The following DCAF13 variants were observed in gnomAD, a reference collection of about 807,000 sequenced individuals.
DCAF13 encodes DDB1 and CUL4 associated factor 13.
In DCAF13, 38 loss-of-function variants were observed where a neutral mutation model predicts 59.0. That is an observed-to-expected ratio of 0.64 (90% confidence interval 0.50 to 0.84). The LOEUF (loss-of-function observed/expected upper bound fraction) is 0.84, where lower values mean the gene tolerates loss of function less well. Ranked by LOEUF, DCAF13 falls within the 40% of genes least tolerant of loss-of-function variation. DCAF13 has a pLI of 0.00. For synonymous variants in DCAF13, 173 were observed against 175.0 expected (o/e 0.99, Z 0.09); for missense variants, 469 against 558.4 (o/e 0.84, Z 1.61).
intron 8 of DCAF13, chr8:103,439,820 A>T (rs1816983553): frequency 6.0e-6 from 1 of 167,410 alleles, no homozygotes; most frequent in African/African-American, 2.4e-5. Flanking sequence ...CCTTGGTTGA[A>T]CATCATATTT....
chr8:103,416,592 CT>C (rs1480088255), intron 1 of DCAF13, among the ~76,000 whole-genome samples: 1 of 152,220 alleles, frequency 6.6e-6, no homozygotes, highest in Non-Finnish European at 1.5e-5. Flanking sequence ...TCTGTTCCTG[CT>C]TACCTCCTGC....
chr8:103,425,727 C>G (rs529755479), intron 3 of DCAF13, among the ~76,000 whole-genome samples: 2 of 152,240 alleles, frequency 1.3e-5, no homozygotes, highest in African/African-American at 2.4e-5. Flanking sequence ...TTTTGAATGA[C>G]TAACCAGATA....
chr8:103,435,839 G>A, intron 8 of DCAF13, 49 bp downstream of exon 8: 1 of 1,574,046 alleles, frequency 6.4e-7, no homozygotes. Context: ...ACTTAACAAT[G>A]GGGATGCATT....
At chr8:103,426,844 G>A (rs1027588186) in intron 4 of DCAF13, among the ~76,000 whole-genome samples, 2 of 152,066 alleles carry the variant, frequency 1.3e-5, no homozygotes, top group Non-Finnish European at 2.9e-5. Context: ...GGGGAATGGG[G>A]TATGAGTATG....
At chr8:103,420,682 A>G (rs916665509) in intron 2 of DCAF13, 2 of 588,168 alleles carry the variant, frequency 3.4e-6, no homozygotes, top group East Asian at 2.9e-5. Context: ...TTAAATAATC[A>G]TGTTTATAAT....
chr8:103,418,868 T>TA (rs1816680417), intron 1 of DCAF13, among the ~76,000 whole-genome samples: 27 of 12,488 alleles, frequency 2.2e-3, no homozygotes, highest in East Asian at 9.3e-3. Flanking sequence ...ATATATATAT[T>TA]TTTTTTTTTT....
At chr8:103,424,721 G>T (rs1233972505) in intron 3 of DCAF13, among the ~76,000 whole-genome samples, 1 of 152,166 alleles carries the variant, frequency 6.6e-6, no homozygotes, top group Non-Finnish European at 1.5e-5. Context: ...GCGTCTTCAG[G>T]AACGGGGTGC....
rs3098221 is a variant in DCAF13, at chr8:103,438,254, C to A, written c.951-1882C>A. Among the ~76,000 whole-genome samples the A allele has an allele frequency of 3.9e-5, 6 of 151,958 alleles. No individual in the cohort carries two copies. In the East Asian group the frequency reaches 7.7e-4, roughly 20 times the overall value. ...GAGTCTTCAAAAGCAGAGCACTGAG[C>A]GGGAGAAGAAAAAGCAGTCTATCTC... is the stretch of plus-strand genomic sequence containing the variant. On this transcript the variant is annotated intron_variant, in intron 8 of 10. Coordinates refer to ENST00000612750, the MANE Select transcript of DCAF13 (RefSeq NM_015420.7).
intron 7 of DCAF13, among the ~76,000 whole-genome samples, chr8:103,433,200 C>T (rs2130490911): frequency 6.6e-6 from 1 of 152,184 alleles, no homozygotes; most frequent in East Asian, 1.9e-4. Context: ...CTGAACCATA[C>T]ATGTTTTAAT....
At chr8:103,418,842 A>G (rs1336022827) in intron 1 of DCAF13, among the ~76,000 whole-genome samples, 4 of 13,740 alleles carry the variant, frequency 2.9e-4, no homozygotes, top group African/African-American at 1.6e-3. Flanking sequence ...ATATATATAT[A>G]TATATATATA....
At chr8:103,437,176 G>A (rs1359294933) in intron 8 of DCAF13, among the ~76,000 whole-genome samples, 1 of 152,130 alleles carries the variant, frequency 6.6e-6, no homozygotes, top group Non-Finnish European at 1.5e-5. Context: ...ATTGTCATGA[G>A]TGTTTTTTTG....
chr8:103,421,971 C>A (rs1442436599), intron 3 of DCAF13, among the ~76,000 whole-genome samples: 1 of 152,160 alleles, frequency 6.6e-6, no homozygotes, highest in Non-Finnish European at 1.5e-5. Flanking sequence ...TCTTTTTAAA[C>A]AAGGGGAACG....
At chr8:103,428,380 A>G (rs184289597) in intron 5 of DCAF13, 2 of 152,336 alleles carry the variant, frequency 1.3e-5, no homozygotes, top group East Asian at 3.9e-4. Flanking sequence ...TCTTGCGTAC[A>G]TATTGTCTGT....
chr8:103,415,594 C>T lies in DCAF13; in HGVS notation c.70+78C>T, dbSNP rs1282402179. 2.1e-6 allele frequency: 3 copies of T among 1,408,758 alleles called. No individual in the cohort carries two copies. In the African/African-American group the frequency reaches 4.3e-5, roughly 20 times the overall value. The allele number at this position is 1,408,758 out of a possible 1,614,324, so 87.3% of individuals were successfully genotyped here. On this transcript the variant is annotated intron_variant, in intron 1 of 10. Transcript: ENST00000612750. ...AGCCTCGGCTTTCGCGGAGTAAAGC[C>T]GGGGGAGGCTGGCACTCTGGTCTGG... is the stretch of plus-strand genomic sequence containing the variant.
chr8:103,426,149 CA>C lies in DCAF13; in HGVS notation c.468+8del, dbSNP rs1280254527. ...ATTACATACAATATTAGGAAAGGTA[CA>C]AAAGTAAATTGACTAATAGCTTGCC... On this transcript the variant is annotated splice_donor_5th_base_variant and intron_variant, in intron 4 of 10. Coordinates refer to ENST00000612750, the MANE Select transcript of DCAF13 (RefSeq NM_015420.7). 1.3e-6 allele frequency: 2 copies of C among 1,584,272 alleles called. No individual in the cohort carries two copies. Among genetic ancestry groups the C allele is most frequent in the East Asian group, 2.3e-5 (1 of 44,380 alleles).
intron 8 of DCAF13, among the ~76,000 whole-genome samples, chr8:103,437,830 A>G (rs1246718730): frequency 6.6e-6 from 1 of 152,210 alleles, no homozygotes; most frequent in Non-Finnish European, 1.5e-5. Flanking sequence ...CAGTTAAGTC[A>G]GTATTTGAAA....
intron 3 of DCAF13, among the ~76,000 whole-genome samples, chr8:103,422,572 G>C (rs1031701947): frequency 3.3e-5 from 5 of 152,196 alleles, no homozygotes; most frequent in African/African-American, 1.2e-4. Flanking sequence ...GAAAAATGAA[G>C]ACTGAGGAAA....
chr8:103,432,770 T>C lies in DCAF13; in HGVS notation c.785+29T>C, dbSNP rs751174126. The C allele has an allele frequency of 3.6e-6, 5 of 1,371,410 alleles. No homozygotes were observed. The South Asian group carries it at 5.8e-5, about 16-fold the overall frequency. The allele number at this position is 1,371,410 out of a possible 1,614,324, so 85.0% of individuals were successfully genotyped here. A position where few individuals can be genotyped will look rare whatever the true frequency, so the allele number is the denominator to read the frequency against. ...AGTTTCCCTCTTTTAAAAACTTGTG[T>C]ATTTCTATCATGAATGGCTTAATTG... On this transcript the variant is annotated intron_variant, in intron 7 of 10. Transcript: ENST00000612750.
rs780424597 is a variant in DCAF13, at chr8:103,420,990, C to G, written c.286C>G (p.Leu96Val). 43 of 1,611,012 alleles carry G rather than the reference C, an allele frequency of 2.7e-5. No individual in the cohort carries two copies. The highest frequency in any genetic ancestry group is 3.4e-5 in the Non-Finnish European group (40 of 1,177,474). Reference protein sequence around the residue: ...ACDGEVRIWNLTQRNCIRTIQ... With the variant: ...ACDGEVRIWNVTQRNCIRTIQ... ...CTTATCATAGGTTAGAATTTGGAAT[C>G]TAACTCAGCGGAATTGTATCCGTAC... is the stretch of plus-strand genomic sequence containing the variant. Residue 96 changes from leucine to valine, a missense_variant, in exon 3 of 11, where the codon CTA (leucine) becomes GTA (valine). Transcript: ENST00000612750.
Sources: allele counts gnomAD v4.1 joint callset (sites outside exome capture counted in the v4.1 genomes callset), GRCh38; gene constraint gnomAD v4.1.1; transcripts MANE v1.5; gene names NCBI Gene and HGNC (gene_info 2026-07-23, HGNC 2026-07-21).